The following ACBD6 variants were observed in gnomAD, a reference collection of about 807,000 sequenced individuals.
ACBD6 encodes acyl-CoA-binding domain-containing protein 6.
A neutral mutation model predicts 37.2 loss-of-function variants in ACBD6; 28 were observed. The ratio of observed to expected loss-of-function variants is 0.75; its 90% CI spans 0.56 to 1.03. The LOEUF (loss-of-function observed/expected upper bound fraction) is 1.03. Ranked by LOEUF, ACBD6 falls within the 50% of genes least tolerant of loss-of-function variation. The pLI is 0.00. For synonymous variants in ACBD6, 113 were observed against 126.8 expected (o/e 0.89, Z 0.73); for missense variants, 340 against 337.4 (o/e 1.01, Z -0.06).
At chr1:180,439,829 CTGTTAT>C (rs1649207975) in intron 3 of ACBD6, among the ~76,000 whole-genome samples, 1 of 152,146 alleles carries the variant, frequency 6.6e-6, no homozygotes, top group South Asian at 2.1e-4. Flanking sequence ...GGTCAGATTA[CTGTTAT>C]TGTTAAGGAG....
chr1:180,404,087 A>T (rs1223161859), intron 5 of ACBD6, among the ~76,000 whole-genome samples: 2 of 151,978 alleles, frequency 1.3e-5, no homozygotes, highest in Non-Finnish European at 2.9e-5. Context: ...AGTAGCTGGG[A>T]TTACAGAAGT....
intron 7 of ACBD6, among the ~76,000 whole-genome samples, chr1:180,291,197 G>T (rs777620840): frequency 6.6e-6 from 1 of 152,140 alleles, no homozygotes; most frequent in Non-Finnish European, 1.5e-5. Flanking sequence ...GTTGGGTAAA[G>T]GTCTTTGTGT....
downstream of ACBD6, among the ~76,000 whole-genome samples, chr1:180,285,497 T>C (rs1343632151): frequency 6.6e-6 from 1 of 152,216 alleles, no homozygotes; most frequent in Non-Finnish European, 1.5e-5. Context: ...ATTACTAAAT[T>C]GTAGCTGATG....
chr1:180,319,000 C>T (rs1399720054), intron 6 of ACBD6, among the ~76,000 whole-genome samples: 1 of 152,034 alleles, frequency 6.6e-6, no homozygotes, highest in East Asian at 1.9e-4. Flanking sequence ...TTTTATTCTG[C>T]ATTTCTGAGT....
At chr1:180,416,010 T>A (rs1216128995) in intron 4 of ACBD6, among the ~76,000 whole-genome samples, 3 of 152,138 alleles carry the variant, frequency 2.0e-5, no homozygotes, top group African/African-American at 7.2e-5. Context: ...CAGGATAGTA[T>A]ACACATATAA....
intron 7 of ACBD6, among the ~76,000 whole-genome samples, chr1:180,309,843 G>A (rs1243510012): frequency 6.6e-6 from 1 of 152,132 alleles, no homozygotes; most frequent in Non-Finnish European, 1.5e-5. Flanking sequence ...CTGTGGGGGT[G>A]GCTGAGACAA....
intron 7 of ACBD6, among the ~76,000 whole-genome samples, chr1:180,308,735 C>T (rs981637669): frequency 2.6e-5 from 4 of 152,104 alleles, no homozygotes; most frequent in Admixed American, 6.6e-5. Flanking sequence ...TTCCAGGTTG[C>T]GTTGGCATTG....
At chr1:180,474,871 G>T (rs2102062393) in intron 3 of ACBD6, among the ~76,000 whole-genome samples, 1 of 152,342 alleles carries the variant, frequency 6.6e-6, no homozygotes, top group African/African-American at 2.4e-5. Flanking sequence ...AAATGATCCA[G>T]TGTTGTCTCC....
rs1651416746 is a variant in ACBD6, at chr1:180,330,018, C to T, written c.664-15296G>A. Reference sequence around the variant, plus strand: ...TCTATGAATAAAAACCAGAAAGTAACAGTATATATTCCAAAAAGCTGACAA... The same window carrying T: ...TCTATGAATAAAAACCAGAAAGTAATAGTATATATTCCAAAAAGCTGACAA... On this transcript the variant is annotated intron_variant, in intron 6 of 7. Coordinates refer to ENST00000367595, the MANE Select transcript of ACBD6 (RefSeq NM_032360.4). Among the ~76,000 whole-genome samples, 6 of 152,106 alleles carry T rather than the reference C, an allele frequency of 3.9e-5. No individual in the cohort carries two copies. In the South Asian group the frequency reaches 1.2e-3, roughly 32 times the overall value.
At chr1:180,314,424 T>C (rs1333865567) in intron 7 of ACBD6, among the ~76,000 whole-genome samples, 1 of 152,158 alleles carries the variant, frequency 6.6e-6, no homozygotes, top group Non-Finnish European at 1.5e-5. Context: ...TTTGTATTTT[T>C]AGTAGAGACA....
chr1:180,492,594 TC>T (rs1391943011), intron 2 of ACBD6, among the ~76,000 whole-genome samples: 1 of 152,172 alleles, frequency 6.6e-6, no homozygotes, highest in Non-Finnish European at 1.5e-5. Flanking sequence ...CTAATCGTCC[TC>T]CCCGTGAAAT....
chr1:180,349,753 A>G (rs1157822595), intron 6 of ACBD6, among the ~76,000 whole-genome samples: 2 of 152,046 alleles, frequency 1.3e-5, no homozygotes, highest in Non-Finnish European at 2.9e-5. Context: ...GAAATAAATC[A>G]CTTCCTATTC....
intron 2 of ACBD6, among the ~76,000 whole-genome samples, chr1:180,493,276 A>AAAAAAAAC (rs1651593881): frequency 8.8e-6 from 1 of 113,370 alleles, no homozygotes; most frequent in African/African-American, 3.4e-5. Flanking sequence ...AAAAAAAAAA[A>AAAAAAAAC]AACAACAACA....
At chr1:180,462,680 A>T (rs1650196570) in intron 3 of ACBD6, among the ~76,000 whole-genome samples, 1 of 152,200 alleles carries the variant, frequency 6.6e-6, no homozygotes, top group Non-Finnish European at 1.5e-5. Context: ...ACTGAGATGA[A>T]AAATTAACAA....
At chr1:180,281,154 C>A (rs1486915975) in intron 9 of ACBD6, among the ~76,000 whole-genome samples, 1 of 152,088 alleles carries the variant, frequency 6.6e-6, no homozygotes, top group Non-Finnish European at 1.5e-5. Flanking sequence ...GATCTGGTCC[C>A]CGCAACAACA....
chr1:180,284,784 T>G (rs1041680345), downstream of ACBD6, among the ~76,000 whole-genome samples: 1 of 152,208 alleles, frequency 6.6e-6, no homozygotes. Context: ...CTTTTGCTTA[T>G]CCTGATAACA....
At chr1:180,473,961 T>C (rs567898220) in intron 3 of ACBD6, among the ~76,000 whole-genome samples, 5 of 152,312 alleles carry the variant, frequency 3.3e-5, no homozygotes, top group East Asian at 3.9e-4. Context: ...TGTATATATA[T>C]GTACATACAT....
chr1:180,410,323 C>T (rs1250238090), intron 5 of ACBD6, among the ~76,000 whole-genome samples: 3 of 152,232 alleles, frequency 2.0e-5, no homozygotes, highest in African/African-American at 4.8e-5. Context: ...GGTGACTACA[C>T]TCAACAACGA....
intron 3 of ACBD6, among the ~76,000 whole-genome samples, chr1:180,481,095 A>G (rs1418398015): frequency 6.6e-6 from 1 of 152,166 alleles, no homozygotes; most frequent in East Asian, 1.9e-4. Context: ...ATTCATGGCA[A>G]TAACTGGCTG....
Sources: gnomAD v4.1 joint callset for allele counts (sites outside exome capture counted in the v4.1 genomes callset) on GRCh38, gnomAD v4.1.1 for gene constraint, MANE v1.5 for transcripts, NCBI Gene and HGNC (gene_info 2026-07-23, HGNC 2026-07-21) for gene names.